The following APBB2 variants were observed in gnomAD, a reference collection of about 807,000 sequenced individuals.
APBB2 encodes Fe65-like 1.
APBB2 carries 38 observed loss-of-function variants against 82.5 expected under a neutral mutation model. The observed-to-expected ratio is 0.46, with a 90% CI of 0.36 to 0.60. APBB2 has a LOEUF of 0.60. APBB2 is among the 20% of genes least tolerant of loss of function. The pLI is 0.00. For missense variants in APBB2, 772 were observed against 972.3 expected, an observed-to-expected ratio of 0.79 and a Z score of 2.74; for synonymous variants, 341 against 368.2, an observed-to-expected ratio of 0.93 and a Z score of 0.85.
chr4:40,817,235 G>A (rs1436371448), intron 17 of APBB2, among the ~76,000 whole-genome samples: 3 of 151,800 alleles, frequency 2.0e-5, no homozygotes, highest in East Asian at 1.9e-4. Flanking sequence ...TGGTGAAACC[G>A]TGTCTCTACA....
intron 3 of APBB2, among the ~76,000 whole-genome samples, chr4:41,096,785 CTAAGAATATAACG>C (rs1461418264): frequency 6.6e-6 from 1 of 152,172 alleles, no homozygotes; most frequent in Non-Finnish European, 1.5e-5. Context: ...AACATCTTGT[CTAAGAATATAACG>C]TCCATTCCAC....
chr4:41,023,010 T>C (rs769664829), intron 5 of APBB2, among the ~76,000 whole-genome samples: 11 of 152,212 alleles, frequency 7.2e-5, no homozygotes, highest in Admixed American at 2.6e-4. Context: ...AATCCTTTAA[T>C]ATAATGTATA....
chr4:40,985,328 T>C (rs1174420436), intron 6 of APBB2, among the ~76,000 whole-genome samples: 1 of 152,188 alleles, frequency 6.6e-6, no homozygotes, highest in Admixed American at 6.5e-5. Flanking sequence ...AATCTATCTA[T>C]TTAATTATTG....
Position 40,819,361 on chromosome 4 carries a change from T to A in APBB2, c.2112+2510A>T, listed in dbSNP as rs1337614167. ...CCACCACGCTCGGCTAATTTTTGTA[T>A]TTTTTGGTAGAGATGGGTTTCACCA... On this transcript the variant is annotated intron_variant, in intron 17 of 17. Coordinates refer to ENST00000508593, the MANE Select transcript of APBB2 (RefSeq NM_004307.2). Among the ~76,000 whole-genome samples the A allele has an allele frequency of 2.6e-5, 4 of 151,826 alleles. No individual in the cohort carries two copies. The East Asian group carries it at 7.8e-4, about 30-fold the overall frequency.
At chr4:40,851,739 T>TATATATATATATATATATATATA (rs57639176) in intron 12 of APBB2, among the ~76,000 whole-genome samples, 1 of 34,806 alleles carries the variant, frequency 2.9e-5, no homozygotes, top group African/African-American at 8.5e-5. Context: ...TATATATATA[T>TATATATATATATATATATATATA]TTTTTTTTTT....
chr4:41,129,393 C>A (rs1342785631), intron 2 of APBB2, among the ~76,000 whole-genome samples: 1 of 152,194 alleles, frequency 6.6e-6, no homozygotes, highest in African/African-American at 2.4e-5. Context: ...TCTCACACTG[C>A]TCCCTCTCCC....
At chr4:40,858,754 T>C (rs2154333026) in intron 12 of APBB2, among the ~76,000 whole-genome samples, 1 of 152,364 alleles carries the variant, frequency 6.6e-6, no homozygotes, top group East Asian at 1.9e-4. Context: ...TTTTATATTA[T>C]GCTTTTCTAG....
intron 1 of APBB2, among the ~76,000 whole-genome samples, chr4:41,189,308 G>A (rs1389744364): frequency 6.6e-6 from 1 of 152,080 alleles, no homozygotes; most frequent in Non-Finnish European, 1.5e-5. Context: ...GTTCAAAGAG[G>A]GAACACTTGC....
At chr4:41,095,010 C>T (rs549002183) in intron 3 of APBB2, among the ~76,000 whole-genome samples, 18 of 152,174 alleles carry the variant, frequency 1.2e-4, no homozygotes, top group African/African-American at 4.3e-4. Context: ...TAAATATGAT[C>T]AATTCAAGTT....
chr4:41,157,022 C>T (rs928088628), intron 1 of APBB2, among the ~76,000 whole-genome samples: 3 of 149,876 alleles, frequency 2.0e-5, no homozygotes, highest in East Asian at 3.9e-4. Context: ...CCCAAGATCA[C>T]GCCACTGCAC....
chr4:40,967,742 T>C (rs1795011009), intron 6 of APBB2, among the ~76,000 whole-genome samples: 1 of 152,198 alleles, frequency 6.6e-6, no homozygotes, highest in African/African-American at 2.4e-5. Flanking sequence ...CCAGGCCAAG[T>C]GGGTGGAATG....
chr4:41,174,620 T>C (rs561753068), intron 1 of APBB2, among the ~76,000 whole-genome samples: 1 of 152,280 alleles, frequency 6.6e-6, no homozygotes, highest in African/African-American at 2.4e-5. Flanking sequence ...ACAGAGCCAT[T>C]AGACATGGTT....
At chr4:41,105,229 G>GT (rs1746758763) in intron 2 of APBB2, among the ~76,000 whole-genome samples, 1 of 152,010 alleles carries the variant, frequency 6.6e-6, no homozygotes, top group African/African-American at 2.4e-5. Flanking sequence ...TTTTTGTTTT[G>GT]TTTTTTACTT....
At chr4:40,980,889 T>G (rs1487585443) in intron 6 of APBB2, among the ~76,000 whole-genome samples, 2 of 152,176 alleles carry the variant, frequency 1.3e-5, no homozygotes, top group African/African-American at 4.8e-5. Context: ...TTTCTTGAAG[T>G]GGGATGAGAG....
At chr4:40,881,252 G>A in intron 12 of APBB2, 7 of 984,484 alleles carry the variant, frequency 7.1e-6, no homozygotes, top group Non-Finnish European at 8.4e-6. Flanking sequence ...CCTTCCTGAA[G>A]ACTTTTCTCC....
rs1018751243 is a variant in APBB2, at chr4:40,826,319, G to A, written c.1733-349C>T. On this transcript the variant is annotated intron_variant, in intron 14 of 17. Coordinates refer to ENST00000508593, the MANE Select transcript of APBB2 (RefSeq NM_004307.2). The surrounding 1 kb of genome is among the most constrained non-coding windows in gnomAD (Gnocchi z 4.5). ...TGCCCAGAGAAAATGTAACCTCAAA[G>A]GGCACAATCAGAGACATAGGAAGAT... Among the ~76,000 whole-genome samples, 1 of 152,014 alleles carries A rather than the reference G, an allele frequency of 6.6e-6. No homozygotes were observed. Among genetic ancestry groups the A allele is most frequent in the African/African-American group, 2.4e-5 (1 of 41,376 alleles).
In APBB2 at chr4:41,064,966, T is replaced by A. The variant is rs531717981; in HGVS notation, c.-51+610A>T. Reference sequence around the variant, plus strand: ...ACATATTGTGATGAAAAAGGAAAGCTTAAAAAAATAAAAGCCTGTAGAAGA... The same window carrying A: ...ACATATTGTGATGAAAAAGGAAAGCATAAAAAAATAAAAGCCTGTAGAAGA... On this transcript the variant is annotated intron_variant, in intron 4 of 17. Coordinates refer to ENST00000508593, the MANE Select transcript of APBB2 (RefSeq NM_004307.2). 3.3e-5 allele frequency among the ~76,000 whole-genome samples: 5 copies of A among 152,224 alleles called. No homozygotes were observed. The East Asian group carries it at 9.6e-4, about 29-fold the overall frequency.
intron 2 of APBB2, among the ~76,000 whole-genome samples, chr4:41,105,307 T>TCATA (rs1208134561): frequency 1.4e-4 from 21 of 152,236 alleles, no homozygotes; most frequent in Non-Finnish European, 2.5e-4. Flanking sequence ...TTTGTATTTT[T>TCATA]TAGCATTTTC....
intron 4 of APBB2, among the ~76,000 whole-genome samples, chr4:41,038,511 T>C (rs961822983): frequency 2.0e-5 from 3 of 152,038 alleles, no homozygotes; most frequent in Non-Finnish European, 4.4e-5. Context: ...TTGTCCCGGA[T>C]CTATCGCAGA....
Sources: gnomAD v4.1 joint callset for allele counts (sites outside exome capture counted in the v4.1 genomes callset) on GRCh38, gnomAD v4.1.1 for gene constraint, Gnocchi (gnomAD v3.1) non-coding constraint, MANE v1.5 for transcripts, NCBI Gene and HGNC (gene_info 2026-07-23, HGNC 2026-07-21) for gene names.